Variants in UTRN observed in about 807,000 individuals in gnomAD.
UTRN encodes the protein dystrophin-related protein 1.
UTRN carries 283 observed loss-of-function variants against 463.9 expected under a neutral mutation model. The ratio of observed to expected loss-of-function variants is 0.61; its 90% CI spans 0.55 to 0.67. The LOEUF is 0.67. UTRN is among the 30% of genes least tolerant of loss of function. The pLI, the probability that UTRN is intolerant of heterozygous loss-of-function variation, is 0.00. For synonymous variants in UTRN, 1,442 were observed against 1,431.5 expected, an observed-to-expected ratio of 1.01 and a Z score of -0.17; for missense variants, 3,922 against 4,084.3, an observed-to-expected ratio of 0.96 and a Z score of 1.08.
chr6:144,383,989 C>A (rs1261709297), intron 2 of UTRN, among the ~76,000 whole-genome samples: 1 of 151,924 alleles, frequency 6.6e-6, no homozygotes, highest in Non-Finnish European at 1.5e-5. Flanking sequence ...CTCTTTTCTT[C>A]AAAAAAATAA....
intron 13 of UTRN, 144 bp downstream of exon 13, chr6:144,440,615 G>C: frequency 9.2e-7 from 1 of 1,081,534 alleles, no homozygotes; most frequent in Non-Finnish European, 1.3e-6. Flanking sequence ...CTCAGTTGGG[G>C]TTCTACAGTG....
At chr6:144,633,159 T>C (rs561509784) in intron 51 of UTRN, among the ~76,000 whole-genome samples, 12 of 152,296 alleles carry the variant, frequency 7.9e-5, no homozygotes, top group African/African-American at 2.9e-4. Flanking sequence ...ATAATTATTT[T>C]ACCTATTCCG....
intron 43 of UTRN, 147 bp downstream of exon 43, chr6:144,533,407 C>T: frequency 7.3e-7 from 1 of 1,365,462 alleles, no homozygotes; most frequent in East Asian, 2.6e-5. Flanking sequence ...CCACGTTCTC[C>T]CTTCCTGTAT....
intron 2 of UTRN, 130 bp from the exon 3 acceptor site, chr6:144,402,993 C>A: frequency 1.3e-6 from 1 of 771,814 alleles, no homozygotes; most frequent in Admixed American, 2.2e-5. Flanking sequence ...AGCTCCGCCT[C>A]ATTGTGCTCA....
In UTRN at chr6:144,522,000, G is replaced by A. The variant is rs143935142; in HGVS notation, c.5562G>A (p.Arg1854=). The A allele has an allele frequency of 1.3e-4, 201 of 1,570,972 alleles. No individual in the cohort carries two copies. The African/African-American group carries it at 2.2e-3, about 17-fold the overall frequency. ...TGTAGGCAATCCCTATTCAACAGAGGAAAATGGGTCAACTTGCTTCTGGAA... is the reference window on the plus strand; with the variant it reads ...TGTAGGCAATCCCTATTCAACAGAGAAAAATGGGTCAACTTGCTTCTGGAA... ...NKIKAIPIQQ[R]KMGQLASGIR... is the part of the protein sequence containing the mutation. The change falls in exon 40 of 75, where the codon AGG becomes AGA. Residue 1854 remains arginine (R), a synonymous_variant. Coordinates refer to ENST00000367545, the MANE Select transcript of UTRN (RefSeq NM_007124.3).
At chr6:144,809,979 A>G (rs1778469219) in intron 65 of UTRN, among the ~76,000 whole-genome samples, 1 of 152,160 alleles carries the variant, frequency 6.6e-6, no homozygotes, top group Non-Finnish European at 1.5e-5. Flanking sequence ...ACCCAAAGAA[A>G]CGGAAGCCTG....
At chr6:144,501,883 T>C (rs1420650272) in intron 34 of UTRN, among the ~76,000 whole-genome samples, 1 of 152,154 alleles carries the variant, frequency 6.6e-6, no homozygotes, top group Non-Finnish European at 1.5e-5. Context: ...TGACATCATG[T>C]TTTGGTTATT....
Position 144,782,052 on chromosome 6 carries a change from G to A in UTRN, c.8763G>A (p.Met2921Ile). Residue 2921 changes from methionine to isoleucine, a missense_variant, in exon 61 of 75, where the codon ATG becomes ATA. Met to Ile is a conservative substitution (Grantham distance 10, BLOSUM62 1). Around this residue, in one of 3 missense-constraint regions of UTRN, gnomAD observed 1,309 missense variants for 1,452.6 expected, o/e 0.90. Coordinates refer to ENST00000367545, the MANE Select transcript of UTRN (RefSeq NM_007124.3). ...LTTTYDGLEQMHKDLVNVPLC... is the reference protein window; with the variant it reads ...LTTTYDGLEQIHKDLVNVPLC... ...CAACTTATGATGGACTTGAGCAAAT[G>A]CATAAGGACCTGGTCAACGTTCCAC... 2 of 1,614,002 alleles carry A rather than the reference G, an allele frequency of 1.2e-6. No homozygotes were observed. The highest frequency in any genetic ancestry group is 1.7e-6 in the Non-Finnish European group (2 of 1,179,958).
intron 39 of UTRN, among the ~76,000 whole-genome samples, chr6:144,519,106 A>G (rs1462092956): frequency 6.6e-6 from 1 of 152,130 alleles, no homozygotes; most frequent in Non-Finnish European, 1.5e-5. Flanking sequence ...ACCTTTTCCA[A>G]TTTGTTTACT....
Position 144,426,358 on chromosome 6 carries a change from G to T in UTRN, c.477G>T (p.Trp159Cys). The T allele has an allele frequency of 1.9e-6, 3 of 1,614,052 alleles. No homozygotes were observed. Among genetic ancestry groups the T allele is most frequent in the Non-Finnish European group, 2.5e-6 (3 of 1,179,994 alleles). ...ACAGTGAGAAGATCCTGCTCAGCTG[G>T]GTGCGTCAGACCACCAGGCCCTACA... ...QTNSEKILLS[W>C]VRQTTRPYSQ... The change falls in exon 7 of 75, where the codon TGG becomes TGT. Residue 159 changes from tryptophan (W) to cysteine (C), a missense_variant. By Grantham distance (215) the Trp-to-Cys change is radical. Coordinates refer to ENST00000367545, the MANE Select transcript of UTRN (RefSeq NM_007124.3).
intron 51 of UTRN, among the ~76,000 whole-genome samples, chr6:144,665,572 T>C (rs1225038336): frequency 6.6e-6 from 1 of 152,224 alleles, no homozygotes; most frequent in African/African-American, 2.4e-5. Context: ...AAACTTGTAG[T>C]CAAATACTAA....
chr6:144,382,822 A>G (rs1291709029), intron 2 of UTRN, among the ~76,000 whole-genome samples: 1 of 152,218 alleles, frequency 6.6e-6, no homozygotes, highest in African/African-American at 2.4e-5. Context: ...AACATGATTC[A>G]TGGATGGAGA....
intron 3 of UTRN, among the ~76,000 whole-genome samples, chr6:144,413,946 G>A (rs1183636204): frequency 1.3e-5 from 2 of 152,062 alleles, no homozygotes; most frequent in African/African-American, 4.8e-5. Flanking sequence ...TGGGATTACA[G>A]GCATGTGCCA....
At chr6:144,758,270 A>T (rs1792230208) in intron 58 of UTRN, 1 of 226,494 alleles carries the variant, frequency 4.4e-6, no homozygotes, top group Non-Finnish European at 8.4e-6. Flanking sequence ...ACTGTATTCC[A>T]GCCTGGACAA....
Position 144,473,789 on chromosome 6 carries a change from C to T in UTRN, c.3136C>T (p.Gln1046Ter). 6.2e-7 allele frequency: 1 copy of T among 1,614,088 alleles called. No homozygotes were observed. The highest frequency in any genetic ancestry group is 8.5e-7 in the Non-Finnish European group (1 of 1,180,012). ...KDFLMKQQAA[Q>*]GDDAGLQRQL... ...CTTCTTAATGAAACAGCAGGCTGCC[C>T]AAGGAGACGACGCAGGTCTACAGAG... The change falls in exon 24 of 75, where the codon CAA (glutamine) becomes TAA (stop). Residue 1046 changes from glutamine to a stop codon, truncating the protein, a stop_gained. Coordinates refer to ENST00000367545, the MANE Select transcript of UTRN (RefSeq NM_007124.3). LOFTEE classifies it high-confidence loss of function.
At chr6:144,527,967 A>G (rs1157098441) in intron 41 of UTRN, among the ~76,000 whole-genome samples, 1 of 150,242 alleles carries the variant, frequency 6.7e-6, no homozygotes, top group Non-Finnish European at 1.5e-5. Flanking sequence ...CGACCTTCTG[A>G]ATTCTTTTTC....
chr6:144,704,019 A>ATCCT (rs1784838624), intron 53 of UTRN, among the ~76,000 whole-genome samples: 1 of 152,216 alleles, frequency 6.6e-6, no homozygotes, highest in East Asian at 1.9e-4. Context: ...GAGAGAGGAT[A>ATCCT]CCAGCTCAAA....
intron 45 of UTRN, 76 bp downstream of exon 45, chr6:144,539,519 C>G (rs1273759189): frequency 2.8e-6 from 4 of 1,441,252 alleles, no homozygotes. Flanking sequence ...CATGTAACTG[C>G]TTTACTTTCA....
intron 56 of UTRN, among the ~76,000 whole-genome samples, chr6:144,753,700 CA>C (rs559496930): frequency 0.024 from 2,617 of 107,364 alleles, 43 homozygotes; most frequent in African/African-American, 0.068. Context: ...TTGTCTCTAC[CA>C]AAAAAAAAAA....
Sources: allele counts gnomAD v4.1 joint callset (sites outside exome capture counted in the v4.1 genomes callset), GRCh38; gene constraint gnomAD v4.1.1; regional missense constraint gnomAD v4.1.1; transcripts MANE v1.5; gene names NCBI Gene and HGNC (gene_info 2026-07-23, HGNC 2026-07-21).